GRID2: variants seen among roughly 807,000 people sequenced by gnomAD.
GRID2 encodes glutamate receptor ionotropic, delta-2.
GRID2 carries 33 observed loss-of-function variants against 114.8 expected under a neutral mutation model. That is an observed-to-expected ratio of 0.29 (90% CI 0.22 to 0.38). GRID2 has a LOEUF of 0.38. Ranked by LOEUF, GRID2 falls within the 10% of genes least tolerant of loss-of-function variation. GRID2 has a pLI of 1.00. For missense variants in GRID2, 1,184 were observed against 1,257.7 expected (o/e 0.94, Z 0.89); for synonymous variants, 505 against 449.9 (o/e 1.12, Z -1.55).
At chr4:93,795,385 T>C (rs1734777034) in intron 1 of GRID2, among the ~76,000 whole-genome samples, 2 of 151,984 alleles carry the variant, frequency 1.3e-5, no homozygotes, top group East Asian at 1.9e-4. Context: ...AGGAATCATA[T>C]ACCTTTACTT....
intron 8 of GRID2, among the ~76,000 whole-genome samples, chr4:93,340,066 A>G (rs113636896): frequency 0.012 from 1,880 of 152,160 alleles, 44 homozygotes; most frequent in African/African-American, 0.043. Context: ...TAACCACATC[A>G]CCTATTTATC....
At chr4:92,641,698 G>T (rs1011098553) in intron 2 of GRID2, among the ~76,000 whole-genome samples, 33 of 151,406 alleles carry the variant, frequency 2.2e-4, no homozygotes, top group Admixed American at 2.0e-3. Context: ...CAATACAGGG[G>T]GTACATGTGC....
intron 1 of GRID2, among the ~76,000 whole-genome samples, chr4:92,353,557 A>T (rs1728175061): frequency 6.6e-6 from 1 of 152,130 alleles, no homozygotes; most frequent in East Asian, 1.9e-4. Context: ...TGCAGAGACC[A>T]TATTTCTCGT....
intron 1 of GRID2, among the ~76,000 whole-genome samples, chr4:92,317,901 T>G (rs1726081551): frequency 6.6e-6 from 1 of 152,180 alleles, no homozygotes; most frequent in African/African-American, 2.4e-5. Flanking sequence ...TTGGCTCAGT[T>G]GCTTGCATCA....
intron 2 of GRID2, among the ~76,000 whole-genome samples, chr4:92,814,044 C>G (rs980763189): frequency 2.0e-5 from 3 of 152,110 alleles, no homozygotes; most frequent in Non-Finnish European, 4.4e-5. Context: ...AAAAAATGTC[C>G]TCTATCCTTG....
At chr4:92,852,085 C>A (rs1461439646) in intron 2 of GRID2, among the ~76,000 whole-genome samples, 2 of 151,784 alleles carry the variant, frequency 1.3e-5, no homozygotes, top group East Asian at 1.9e-4. Context: ...TTAAAGTATT[C>A]ATTACAGGCA....
chr4:93,772,552 C>A lies in GRID2; in HGVS notation c.*54C>A. 1.6e-6 allele frequency: 2 copies of A among 1,224,028 alleles called. No homozygotes were observed. The highest frequency in any genetic ancestry group is 2.3e-6 in the Non-Finnish European group (2 of 865,694). 75.8% of individuals were successfully genotyped at this position (1,224,028 alleles called of 1,614,324 possible). A position where few individuals can be genotyped will look rare whatever the true frequency, so the allele number is the denominator to read the frequency against. ...TTTTTAGGACTCCCTTTGCAAGGAG[C>A]AACTGTAATATTGTGGGACTAACAT... On this transcript the variant is annotated 3_prime_UTR_variant, in exon 16 of 16. Transcript: ENST00000282020.
At chr4:93,689,106 G>A (rs1215908079) in intron 14 of GRID2, among the ~76,000 whole-genome samples, 1 of 151,958 alleles carries the variant, frequency 6.6e-6, no homozygotes, top group Non-Finnish European at 1.5e-5. Flanking sequence ...ACGACGTGAA[G>A]ACAATGGGGA....
At chr4:93,412,127 A>G (rs1767222441) in intron 9 of GRID2, among the ~76,000 whole-genome samples, 1 of 151,736 alleles carries the variant, frequency 6.6e-6, no homozygotes, top group Non-Finnish European at 1.5e-5. Flanking sequence ...AAAAAAAAAA[A>G]GCCCCAGGCT....
At chr4:92,336,373 G>A (rs1384720144) in intron 1 of GRID2, among the ~76,000 whole-genome samples, 2 of 152,046 alleles carry the variant, frequency 1.3e-5, no homozygotes, top group Non-Finnish European at 2.9e-5. Context: ...AATTAAACAT[G>A]AGTCCCATTG....
intron 9 of GRID2, 60 bp from the exon 10 acceptor site, chr4:93,422,711 A>C (rs754524448): frequency 1.3e-5 from 13 of 1,018,658 alleles, no homozygotes; most frequent in Non-Finnish European, 2.0e-5. Flanking sequence ...TAAAGAATTA[A>C]TCTTTGCTTT....
intron 2 of GRID2, among the ~76,000 whole-genome samples, chr4:92,633,177 T>C (rs941688791): frequency 2.6e-5 from 4 of 151,400 alleles, no homozygotes; most frequent in African/African-American, 9.7e-5. Context: ...TAAGTGCTAA[T>C]GTATGTTCAA....
intron 2 of GRID2, among the ~76,000 whole-genome samples, chr4:92,634,241 ATAGGAGTCT>A (rs1480961114): frequency 6.6e-6 from 1 of 152,152 alleles, no homozygotes; most frequent in Non-Finnish European, 1.5e-5. Flanking sequence ...ATAAAAGGAC[ATAGGAGTCT>A]TATGTCTTAT....
chr4:92,657,745 T>A (rs1732318600), intron 2 of GRID2, among the ~76,000 whole-genome samples: 1 of 151,934 alleles, frequency 6.6e-6, no homozygotes, highest in East Asian at 1.9e-4. Flanking sequence ...TTTTATTTTT[T>A]ATTGAAAAAA....
intron 2 of GRID2, among the ~76,000 whole-genome samples, chr4:92,747,568 C>G (rs1341600888): frequency 2.6e-5 from 4 of 152,098 alleles, no homozygotes; most frequent in Non-Finnish European, 4.4e-5. Flanking sequence ...TTATCCATAG[C>G]TATTGCCATT....
chr4:92,613,868 C>A lies in GRID2; in HGVS notation c.244+23582C>A, dbSNP rs375877255. Among the ~76,000 whole-genome samples, 166 of 151,208 alleles carry A rather than the reference C, an allele frequency of 1.1e-3. 3 individuals are homozygous for A. The highest frequency in any genetic ancestry group is 3.7e-3 in the African/African-American group (154 of 41,308). ...GATTTTGCTCTTTATTATTTCCTTACTTCTGTTTAATTTGTGTTATTTTTG... is the reference window on the plus strand; with the variant it reads ...GATTTTGCTCTTTATTATTTCCTTAATTCTGTTTAATTTGTGTTATTTTTG... On this transcript the variant is annotated intron_variant, in intron 2 of 15. Coordinates refer to ENST00000282020, the MANE Select transcript of GRID2 (RefSeq NM_001510.4).
chr4:93,321,458 G>A (rs865874187), intron 8 of GRID2, among the ~76,000 whole-genome samples: 2 of 151,966 alleles, frequency 1.3e-5, no homozygotes, highest in African/African-American at 2.4e-5. Flanking sequence ...ATGGAAAGAA[G>A]GATATTTTTA....
At chr4:93,084,754 T>G (rs931973599) in intron 2 of GRID2, among the ~76,000 whole-genome samples, 12 of 152,212 alleles carry the variant, frequency 7.9e-5, no homozygotes, top group African/African-American at 2.9e-4. Flanking sequence ...TTACAGATGA[T>G]GAAACCGAGC....
intron 1 of GRID2, among the ~76,000 whole-genome samples, chr4:92,315,993 C>CAAAAAAAAAAAAAAAAAAAAAAAAAAAA (rs778361565): frequency 5.5e-4 from 34 of 61,854 alleles, no homozygotes; most frequent in African/African-American, 1.0e-3. Context: ...AAACAAAAAG[C>CAAAAAAAAAAAAAAAAAAAAAAAAAAAA]AAAAAAAAAA....
Sources: allele counts gnomAD v4.1 joint callset (sites outside exome capture counted in the v4.1 genomes callset), GRCh38; gene constraint gnomAD v4.1.1; transcripts MANE v1.5; gene names NCBI Gene and HGNC (gene_info 2026-07-23, HGNC 2026-07-21).